SAMMSON: variants seen among roughly 807,000 people sequenced by gnomAD.
SAMMSON encodes the protein long intergenic non-protein coding RNA 1212.
intron 4 of SAMMSON, among the ~76,000 whole-genome samples, chr3:70,166,564 A>C (rs1576141119): frequency 6.6e-6 from 1 of 151,934 alleles, no homozygotes; most frequent in Non-Finnish European, 1.5e-5. Context: ...TTGCCCTCCT[A>C]GAAGCCACTG....
chr3:70,224,413 CT>C (rs1701485517), intron 4 of SAMMSON, among the ~76,000 whole-genome samples: 1 of 152,194 alleles, frequency 6.6e-6, no homozygotes, highest in Non-Finnish European at 1.5e-5. Flanking sequence ...TCTAGAAGCC[CT>C]TTGGATGGGC....
At chr3:70,076,244 T>C (rs978538402) in intron 4 of SAMMSON, among the ~76,000 whole-genome samples, 1 of 152,136 alleles carries the variant, frequency 6.6e-6, no homozygotes, top group Non-Finnish European at 1.5e-5. Flanking sequence ...AAGGAAAAGC[T>C]AATAGGCTTT....
intron 4 of SAMMSON, among the ~76,000 whole-genome samples, chr3:70,147,211 A>T (rs559244578): frequency 6.6e-6 from 1 of 152,174 alleles, no homozygotes; most frequent in South Asian, 2.1e-4. Context: ...ATGAATTGGA[A>T]GATCTATACA....
intron 4 of SAMMSON, among the ~76,000 whole-genome samples, chr3:70,181,195 T>C (rs80023260): frequency 6.6e-6 from 1 of 152,104 alleles, no homozygotes; most frequent in Non-Finnish European, 1.5e-5. Flanking sequence ...TGGCCAAGTT[T>C]ATTGCGTGAA....
At chr3:70,011,803 G>A (rs1003740712) in intron 1 of SAMMSON, among the ~76,000 whole-genome samples, 3 of 152,040 alleles carry the variant, frequency 2.0e-5, no homozygotes, top group Non-Finnish European at 2.9e-5. Context: ...TTGCTATTAT[G>A]AAGTATGGAA....
chr3:70,013,683 T>G (rs2066968550), intron 3 of SAMMSON: 1 of 152,126 alleles, frequency 6.6e-6, no homozygotes, highest in Admixed American at 6.5e-5. Flanking sequence ...GTAAATAATT[T>G]AACATATTTT....
At chr3:70,291,922 T>G (rs1324265295) in intron 7 of SAMMSON, 1 of 152,246 alleles carries the variant, frequency 6.6e-6, no homozygotes, top group South Asian at 2.1e-4. Context: ...CTTACTTAAA[T>G]TGTAACCAAC....
At chr3:70,293,584 G>T (rs1052812395) in intron 7 of SAMMSON, among the ~76,000 whole-genome samples, 1 of 152,014 alleles carries the variant, frequency 6.6e-6, no homozygotes, top group African/African-American at 2.4e-5. Context: ...TGCCTTACTT[G>T]GGTGCCACAG....
At chr3:70,430,267 G>A (rs147389511) in intron 2 of SAMMSON, among the ~76,000 whole-genome samples, 1,878 of 152,208 alleles carry the variant, frequency 0.012, 31 homozygotes, top group African/African-American at 0.042. Context: ...GATGGATTAC[G>A]TTTATTGATT....
In SAMMSON at chr3:70,317,002, G is replaced by A. The variant is rs556501256; in HGVS notation, n.739+25759G>A. Reference sequence around the variant, plus strand: ...CAGTTGCTAGTAGGTGGTGTGTTACGGATATTCTTGGTTCCTCTGGGGGTT... The same window carrying A: ...CAGTTGCTAGTAGGTGGTGTGTTACAGATATTCTTGGTTCCTCTGGGGGTT... On this transcript the variant is annotated intron_variant and non_coding_transcript_variant, in intron 7 of 9. Transcript: ENST00000642114. Among the ~76,000 whole-genome samples the A allele has an allele frequency of 3.3e-5, 5 of 152,040 alleles. No individual in the cohort carries two copies. In the East Asian group the frequency reaches 5.8e-4, roughly 18 times the overall value.
chr3:70,192,431 C>T (rs1167731425), intron 4 of SAMMSON, among the ~76,000 whole-genome samples: 2 of 152,162 alleles, frequency 1.3e-5, no homozygotes, highest in Non-Finnish European at 2.9e-5. Context: ...GCCATGGGCC[C>T]TGTGTAAGCG....
At chr3:70,003,105 T>C (rs2066912252) in intron 1 of SAMMSON, among the ~76,000 whole-genome samples, 1 of 152,184 alleles carries the variant, frequency 6.6e-6, no homozygotes, top group East Asian at 1.9e-4. Context: ...TATTTGCCTC[T>C]GTTTACTCCA....
chr3:70,099,202 ATAT>A (rs2067333809), intron 4 of SAMMSON, among the ~76,000 whole-genome samples: 1 of 152,194 alleles, frequency 6.6e-6, no homozygotes, highest in African/African-American at 2.4e-5. Flanking sequence ...TTACACACAA[ATAT>A]TATATTTATT....
intron 4 of SAMMSON, among the ~76,000 whole-genome samples, chr3:70,216,144 GTATAT>G (rs1701409607): frequency 6.0e-5 from 9 of 151,220 alleles, no homozygotes; most frequent in Non-Finnish European, 8.8e-5. Flanking sequence ...AGATGTATAT[GTATAT>G]ATCTACATAT....
intron 3 of SAMMSON, among the ~76,000 whole-genome samples, chr3:70,024,108 A>G (rs1576100207): frequency 6.6e-6 from 1 of 152,006 alleles, no homozygotes; most frequent in Non-Finnish European, 1.5e-5. Flanking sequence ...TTGCACTCTC[A>G]TTATTCTGTC....
At chr3:70,374,003 C>T (rs1702991076) in intron 9 of SAMMSON, among the ~76,000 whole-genome samples, 2 of 152,210 alleles carry the variant, frequency 1.3e-5, no homozygotes, top group African/African-American at 2.4e-5. Flanking sequence ...CAACCTCCGC[C>T]TCCCAGGTTC....
intron 3 of SAMMSON, among the ~76,000 whole-genome samples, chr3:70,022,780 T>A (rs1370239389): frequency 1.3e-5 from 2 of 152,228 alleles, no homozygotes; most frequent in Admixed American, 1.3e-4. Flanking sequence ...TCTAAAAGAT[T>A]CAAGTTTCAT....
At chr3:70,424,484 AG>A (rs1701338959) in intron 2 of SAMMSON, among the ~76,000 whole-genome samples, 1 of 152,164 alleles carries the variant, frequency 6.6e-6, no homozygotes, top group Non-Finnish European at 1.5e-5. Flanking sequence ...TTAAATACCA[AG>A]TTTTTTTTTA....
At chr3:70,349,449 C>A (rs9841399) in intron 7 of SAMMSON, among the ~76,000 whole-genome samples, 2,016 of 152,132 alleles carry the variant, frequency 0.013, 30 homozygotes, top group African/African-American at 0.045. Flanking sequence ...AGGCGGCCAG[C>A]AACCCATTAT....
Sources: allele counts gnomAD v4.1 joint callset (sites outside exome capture counted in the v4.1 genomes callset), GRCh38; gene constraint gnomAD v4.1.1; transcripts MANE v1.5; gene names NCBI Gene and HGNC (gene_info 2026-07-23, HGNC 2026-07-21).